ZDHHC23: variants seen among roughly 807,000 people sequenced by gnomAD.
ZDHHC23 encodes palmitoyltransferase ZDHHC23.
ZDHHC23 carries 41 observed loss-of-function variants against 40.2 expected under a neutral mutation model. The observed-to-expected ratio is 1.02, with a 90% CI of 0.79 to 1.32. The LOEUF is 1.32. Among genes scored for constraint, ZDHHC23 ranks in the 40% most tolerant of loss-of-function variants. ZDHHC23 has a pLI of 0.00. For missense variants in ZDHHC23, 471 were observed against 541.5 expected (o/e 0.87, Z 1.29); for synonymous variants, 204 against 210.2 (o/e 0.97, Z 0.26).
At position 113,960,458 on chromosome 3, in the gene ZDHHC23, G is replaced by GTAA. The variant is rs1238569792; in HGVS notation, c.*1833_*1835dup. ...ATACAGGTTTTACATAAGAGAGACAGTAATAATGTCAAGGATAGCCTGTGT... is the reference window on the plus strand; with the variant it reads ...ATACAGGTTTTACATAAGAGAGACAGTAATAATAATGTCAAGGATAGCCTGTGT... On this transcript the variant is annotated 3_prime_UTR_variant, in exon 5 of 5. Coordinates refer to ENST00000638807, the MANE Select transcript of ZDHHC23 (RefSeq NM_001320466.2). The GTAA allele has an allele frequency of 7.3e-7, 1 of 1,372,688 alleles. No homozygotes were observed. The highest frequency in any genetic ancestry group is 1.5e-5 in the African/African-American group (1 of 65,540). 85.0% of individuals were successfully genotyped at this position (1,372,688 alleles called of 1,614,324 possible).
chr3:113,974,571 T>C, the ZDHHC23 span, among the ~76,000 whole-genome samples: 3 of 152,142 alleles, frequency 2.0e-5, no homozygotes, highest in African/African-American at 4.8e-5. Context: ...CTGCCCACCT[T>C]GGCCTCCCAA....
intron 3 of ZDHHC23, among the ~76,000 whole-genome samples, chr3:113,955,394 G>A (rs1180206374): frequency 7.9e-5 from 12 of 151,392 alleles, no homozygotes; most frequent in African/African-American, 1.5e-4. Flanking sequence ...GTGTGTGTGC[G>A]TGTGTGTTCC....
At position 113,953,784 on chromosome 3, in the gene ZDHHC23, T is replaced by C. The variant is rs1489906848; in HGVS notation, c.246T>C (p.Leu82=). 6.2e-7 allele frequency: 1 copy of C among 1,614,108 alleles called. No homozygotes were observed. Among genetic ancestry groups the C allele is most frequent in the Non-Finnish European group, 8.5e-7 (1 of 1,180,044 alleles). Residue 82 remains leucine, a synonymous_variant, in exon 3 of 5, where the codon CTT becomes CTC. Coordinates refer to ENST00000638807, the MANE Select transcript of ZDHHC23 (RefSeq NM_001320466.2). Reference sequence around the variant, plus strand: ...CTGATCGCCTCCGAATTCCTTGGCTTAGGGGAGCCAAAAAAGTGAACATCA... The same window carrying C: ...CTGATCGCCTCCGAATTCCTTGGCTCAGGGGAGCCAAAAAAGTGAACATCA... ...TISDRLRIPW[L]RGAKKVNISI...
downstream of ZDHHC23, among the ~76,000 whole-genome samples, chr3:113,966,439 G>T (rs1344736731): frequency 6.6e-6 from 1 of 152,160 alleles, no homozygotes; most frequent in Non-Finnish European, 1.5e-5. Flanking sequence ...CAGTGGGAAG[G>T]TACAGCAGTG....
At position 113,954,012 on chromosome 3, in the gene ZDHHC23, G is replaced by A. The variant is rs762373839; in HGVS notation, c.474G>A (p.Gln158=). ...SLGYMYYVFL[Q]EVVPKGRVGP... ...GCTACATGTACTATGTGTTCCTGCA[G>A]GAAGTGGTCCCCAAAGGGCGTGTGG... The change falls in exon 3 of 5, where the codon CAG becomes CAA. Residue 158 remains glutamine (Q), a synonymous_variant. Transcript: ENST00000638807. 37 of 1,614,018 alleles carry A rather than the reference G, an allele frequency of 2.3e-5. No individual in the cohort carries two copies. Among genetic ancestry groups the A allele is most frequent in the Non-Finnish European group, 3.0e-5 (35 of 1,180,028 alleles).
chr3:113,957,534 G>A (rs1236747927), intron 4 of ZDHHC23: 1 of 379,318 alleles, frequency 2.6e-6, no homozygotes, highest in African/African-American at 2.1e-5. Flanking sequence ...TCGGTGCGGA[G>A]GCGAGGGAAC....
In ZDHHC23 at chr3:113,959,725, G is replaced by T. The variant is rs569485250; in HGVS notation, c.*1095G>T. ...TTCACATTATTCTGGTATGAACTTT[G>T]AGGAGTTGAGTGACATCTTCCCACT... On this transcript the variant is annotated 3_prime_UTR_variant, in exon 5 of 5. Transcript: ENST00000638807. 3.7e-6 allele frequency: 4 copies of T among 1,088,148 alleles called. No homozygotes were observed. In the East Asian group the frequency reaches 1.8e-4, roughly 49 times the overall value. The allele number at this position is 1,088,148 out of a possible 1,614,324, so 67.4% of individuals were successfully genotyped here.
At chr3:113,978,641 TA>T in the ZDHHC23 span, 1 of 615,314 alleles carries the variant, frequency 1.6e-6, no homozygotes, top group African/African-American at 1.8e-5. Context: ...ACTTACAGTT[TA>T]TACACACTCC....
downstream of ZDHHC23, among the ~76,000 whole-genome samples, chr3:113,969,392 C>T (rs1163016755): frequency 1.3e-5 from 2 of 152,128 alleles, no homozygotes; most frequent in Admixed American, 6.5e-5. Flanking sequence ...GTTGTCTGTG[C>T]TTTTGAGGTC....
chr3:113,976,163 G>A, the ZDHHC23 span, among the ~76,000 whole-genome samples: 5 of 152,206 alleles, frequency 3.3e-5, no homozygotes, highest in Admixed American at 2.0e-4. Flanking sequence ...GGAGGCTGAG[G>A]CATGAGAATC....
Position 113,960,347 on chromosome 3 carries a change from G to T in ZDHHC23, c.*1717G>T, listed in dbSNP as rs1220410985. ...CCTGGGGATGTTAGCAGACTCTGGG[G>T]TTTGTACAGTGATGCCTTCTCCCTG... On this transcript the variant is annotated 3_prime_UTR_variant, in exon 5 of 5. Coordinates refer to ENST00000638807, the MANE Select transcript of ZDHHC23 (RefSeq NM_001320466.2). 2 of 1,109,072 alleles carry T rather than the reference G, an allele frequency of 1.8e-6. No individual in the cohort carries two copies. The highest frequency in any genetic ancestry group is 8.4e-5 in the East Asian group (1 of 11,852). 68.7% of individuals were successfully genotyped at this position (1,109,072 alleles called of 1,614,324 possible).
At chr3:113,956,612 C>A in intron 4 of ZDHHC23, 106 bp downstream of exon 4, 3 of 1,208,354 alleles carry the variant, frequency 2.5e-6, no homozygotes, top group African/African-American at 1.5e-5. Context: ...AAAACATAGG[C>A]CAGGCTATGG....
intron 2 of ZDHHC23, 68 bp from the exon 3 acceptor site, chr3:113,953,632 A>G: frequency 7.3e-7 from 1 of 1,370,556 alleles, no homozygotes; most frequent in Non-Finnish European, 1.0e-6. Flanking sequence ...TTTGGCATTC[A>G]GTGTTCTGTA....
At chr3:113,957,298 C>T (rs1377048122) in intron 4 of ZDHHC23, among the ~76,000 whole-genome samples, 2 of 152,184 alleles carry the variant, frequency 1.3e-5, no homozygotes, top group East Asian at 3.8e-4. Flanking sequence ...TCCTTGCTTT[C>T]TTTACAAAGT....
In ZDHHC23 at chr3:113,959,252, CTTG is replaced by C. The variant is rs1377997480; in HGVS notation, c.*627_*629del. 2 of 1,077,014 alleles carry C rather than the reference CTTG, an allele frequency of 1.9e-6. No individual in the cohort carries two copies. The highest frequency in any genetic ancestry group is 2.3e-6 in the Non-Finnish European group (2 of 878,540). The allele number at this position is 1,077,014 out of a possible 1,614,324, so 66.7% of individuals were successfully genotyped here. ...AGGGTAATCAGTTTTCAGCATATAC[CTTG>C]TTGTACAGTTATGAGAATTTCTCCT... On this transcript the variant is annotated 3_prime_UTR_variant, in exon 5 of 5. Coordinates refer to ENST00000638807, the MANE Select transcript of ZDHHC23 (RefSeq NM_001320466.2).
chr3:113,958,431 T>C lies in ZDHHC23; in HGVS notation c.1109T>C (p.Leu370Pro). The change falls in exon 5 of 5, where the codon CTG becomes CCG. Residue 370 changes from leucine to proline, a missense_variant. Coordinates refer to ENST00000638807, the MANE Select transcript of ZDHHC23 (RefSeq NM_001320466.2). ...ACAGCAGGCATGGCCTACATCTTCC[T>C]GATCCAGCTGATCAACATCAGCTAC... ...IITAGMAYIF[L>P]IQLINISYNV... 1 of 1,614,204 alleles carries C rather than the reference T, an allele frequency of 6.2e-7. No individual in the cohort carries two copies.
rs780621643 is a variant in ZDHHC23 at position 113,954,364 on chromosome 3, C to T, written c.826C>T (p.Arg276Trp). Residue 276 changes from arginine (R) to tryptophan (W), a missense_variant, in exon 3 of 5, where the codon CGG (arginine) becomes TGG (tryptophan). Arg to Trp is a moderately radical substitution (Grantham distance 101, BLOSUM62 -3). Around this residue, in one of 3 missense-constraint regions of ZDHHC23, gnomAD observed 346 missense variants for 399.8 expected, o/e 0.87. Transcript: ENST00000638807. Reference protein sequence around the residue: ...LVRPARAWHCRICGICVRRMD... With the variant: ...LVRPARAWHCWICGICVRRMD... Reference sequence around the variant, plus strand: ...GCGACCAGCCCGGGCATGGCACTGCCGGATATGTGGCATCTGTGTGAGGAG... The same window carrying T: ...GCGACCAGCCCGGGCATGGCACTGCTGGATATGTGGCATCTGTGTGAGGAG... 12 of 1,610,812 alleles carry T rather than the reference C, an allele frequency of 7.4e-6. No homozygotes were observed. Among genetic ancestry groups the T allele is most frequent in the South Asian group, 3.3e-5 (3 of 90,780 alleles).
At position 113,954,090 on chromosome 3, in the gene ZDHHC23, C is replaced by G; in HGVS notation, c.552C>G (p.Ala184=). The part of the protein sequence containing the change: ...LTCGLFLILL[A]LHRAKKNPGY... ...GCGGGTTATTTCTGATACTCTTAGC[C>G]TTGCACAGAGCCAAGAAGAATCCAG... is the stretch of plus-strand genomic sequence containing the variant. Residue 184 remains alanine (A), a synonymous_variant, in exon 3 of 5, where the codon GCC becomes GCG. Coordinates refer to ENST00000638807, the MANE Select transcript of ZDHHC23 (RefSeq NM_001320466.2). 6.2e-7 allele frequency: 1 copy of G among 1,614,214 alleles called. No homozygotes were observed.
intron 1 of ZDHHC23, chr3:113,948,470 C>T (rs1467379738): frequency 2.2e-5 from 6 of 270,246 alleles, no homozygotes; most frequent in Non-Finnish European, 4.3e-5. Flanking sequence ...CAGGTGAGCG[C>T]AACCGCCCGC....
Sources: allele counts gnomAD v4.1 joint callset (sites outside exome capture counted in the v4.1 genomes callset), GRCh38; gene constraint gnomAD v4.1.1; regional missense constraint gnomAD v4.1.1; transcripts MANE v1.5; gene names NCBI Gene and HGNC (gene_info 2026-07-23, HGNC 2026-07-21).